The following ATP6V0D1 variants were observed in gnomAD, a reference collection of about 807,000 sequenced individuals.
The protein encoded by ATP6V0D1 is ATPase H+ transporting V0 subunit d1.
Under a neutral mutation model 39.0 loss-of-function variants are expected in ATP6V0D1, and 13 were observed. The ratio of observed to expected loss-of-function variants is 0.33; its 90% CI spans 0.22 to 0.53. The LOEUF (loss-of-function observed/expected upper bound fraction) is 0.53, where lower values mean the gene tolerates loss of function less well. Among genes scored for constraint, ATP6V0D1 ranks in the 20% least tolerant of loss-of-function variants. ATP6V0D1 has a pLI of 0.94. For missense variants in ATP6V0D1, 272 were observed against 470.9 expected, an observed-to-expected ratio of 0.58 and a Z score of 3.91; for synonymous variants, 191 against 191.2, an observed-to-expected ratio of 1.00 and a Z score of 0.01.
At chr16:67,465,603 C>CT (rs1272095917) in intron 1 of ATP6V0D1, among the ~76,000 whole-genome samples, 1 of 152,214 alleles carries the variant, frequency 6.6e-6, no homozygotes, top group Admixed American at 6.5e-5. Flanking sequence ...AGCTCCAACT[C>CT]TGAGCTGCTG....
intron 1 of ATP6V0D1, among the ~76,000 whole-genome samples, chr16:67,477,225 A>T (rs748565966): frequency 1.7e-4 from 26 of 152,116 alleles, no homozygotes; most frequent in Non-Finnish European, 3.2e-4. Flanking sequence ...AAATCTATTA[A>T]TCAAGTGATC....
rs773542999 is a variant in ATP6V0D1, at chr16:67,453,606, C to T, written c.240G>A (p.Val80=). 27 of 1,614,090 alleles carry T rather than the reference C, an allele frequency of 1.7e-5. No homozygotes were observed. The highest frequency in any genetic ancestry group is 2.2e-5 in the East Asian group (1 of 44,900). Residue 80 remains valine, a synonymous_variant, in exon 2 of 8, where the codon GTG becomes GTA. Transcript: ENST00000290949. This position sits in a 1 kb window ranked among gnomAD's most constrained non-coding sequence, Gnocchi z 4.1. ...CATGGTTCCTCATGTGGCGGAACTC[C>T]ACCACCATCTTCTCCTTGAGCCGGT... ...IDDRLKEKMV[V]EFRHMRNHAY...
intron 1 of ATP6V0D1, among the ~76,000 whole-genome samples, chr16:67,473,315 C>G (rs1244730333): frequency 6.6e-6 from 1 of 152,070 alleles, no homozygotes; most frequent in Admixed American, 6.6e-5. Context: ...TTTAAGCATA[C>G]TCACAGAATT....
intron 1 of ATP6V0D1, among the ~76,000 whole-genome samples, chr16:67,468,168 G>C (rs192946511): frequency 6.6e-5 from 10 of 152,248 alleles, no homozygotes; most frequent in Non-Finnish European, 1.3e-4. Flanking sequence ...ACACATGCCT[G>C]TACTCCCAGC....
intron 1 of ATP6V0D1, among the ~76,000 whole-genome samples, chr16:67,466,855 C>A (rs1311614359): frequency 1.3e-5 from 2 of 152,082 alleles, no homozygotes; most frequent in Non-Finnish European, 2.9e-5. Flanking sequence ...GCCTGGAAAG[C>A]CAAACCGGAG....
At position 67,439,325 on chromosome 16, in the gene ATP6V0D1, G is replaced by A; in HGVS notation, c.588C>T (p.Phe196=). The part of the protein sequence containing the change: ...YKAYLESFYK[F]CTLLGGTTAD... ...CCGTAGTCCCGCCCAGTAGGGTGCA[G>A]AACTTGTAGAAGGACTCCAGGTAGG... The change falls in exon 5 of 8, where the codon TTC becomes TTT. Residue 196 remains phenylalanine (F), a synonymous_variant. Transcript: ENST00000290949. The A allele has an allele frequency of 6.2e-7, 1 of 1,614,140 alleles. No homozygotes were observed. The highest frequency in any genetic ancestry group is 8.5e-7 in the Non-Finnish European group (1 of 1,180,038).
At chr16:67,454,235 G>A (rs926546156) in intron 1 of ATP6V0D1, among the ~76,000 whole-genome samples, 1 of 152,208 alleles carries the variant, frequency 6.6e-6, no homozygotes, top group African/African-American at 2.4e-5. Flanking sequence ...ACAAAAGGCT[G>A]GGCCACAGCA....
chr16:67,463,128 C>A (rs1199814642), intron 1 of ATP6V0D1, among the ~76,000 whole-genome samples: 1 of 152,194 alleles, frequency 6.6e-6, no homozygotes, highest in Non-Finnish European at 1.5e-5. Context: ...AGGAAATACT[C>A]ATTTTGCTTT....
intron 1 of ATP6V0D1, among the ~76,000 whole-genome samples, chr16:67,475,817 C>G (rs2041409858): frequency 6.6e-6 from 1 of 152,148 alleles, no homozygotes; most frequent in Non-Finnish European, 1.5e-5. Flanking sequence ...AATGAGAACC[C>G]CATATGACTC....
At chr16:67,471,337 C>T (rs988418681) in intron 1 of ATP6V0D1, among the ~76,000 whole-genome samples, 6 of 152,080 alleles carry the variant, frequency 3.9e-5, no homozygotes, top group South Asian at 2.1e-4. Context: ...TACAGGCATG[C>T]GCCACCACGC....
At chr16:67,467,820 A>C (rs2142328760) in intron 1 of ATP6V0D1, among the ~76,000 whole-genome samples, 1 of 152,338 alleles carries the variant, frequency 6.6e-6, no homozygotes, top group East Asian at 1.9e-4. Flanking sequence ...TTCTGGATGC[A>C]GATCCTCCTA....
chr16:67,479,679 C>A (rs200841786), intron 1 of ATP6V0D1, among the ~76,000 whole-genome samples: 1 of 152,144 alleles, frequency 6.6e-6, no homozygotes, highest in East Asian at 1.9e-4. Context: ...AAGTTTCTGA[C>A]GAGAAAATGT....
intron 3 of ATP6V0D1, among the ~76,000 whole-genome samples, chr16:67,443,664 T>C (rs976335392): frequency 2.0e-5 from 3 of 151,976 alleles, no homozygotes; most frequent in Admixed American, 6.6e-5. Flanking sequence ...ACTGTGGGGT[T>C]GGAAAGAGAG....
At chr16:67,451,284 G>C (rs1166348198) in intron 2 of ATP6V0D1, among the ~76,000 whole-genome samples, 1 of 152,196 alleles carries the variant, frequency 6.6e-6, no homozygotes, top group Non-Finnish European at 1.5e-5. Flanking sequence ...GAGTCGGGCG[G>C]CCAAGAGAGC....
chr16:67,480,782 C>T (rs2041465268), intron 1 of ATP6V0D1, among the ~76,000 whole-genome samples, 175 bp downstream of exon 1: 1 of 152,180 alleles, frequency 6.6e-6, no homozygotes, highest in Non-Finnish European at 1.5e-5. Flanking sequence ...TTTGGGCCCG[C>T]GCCGAGCCAC....
At chr16:67,472,285 C>A (rs2041379704) in intron 1 of ATP6V0D1, among the ~76,000 whole-genome samples, 1 of 152,196 alleles carries the variant, frequency 6.6e-6, no homozygotes, top group Admixed American at 6.5e-5. Flanking sequence ...TGTGTGGGGT[C>A]CAGGCTCTCA....
At chr16:67,471,020 C>G (rs2041368583) in intron 1 of ATP6V0D1, among the ~76,000 whole-genome samples, 2 of 152,170 alleles carry the variant, frequency 1.3e-5, no homozygotes, top group Non-Finnish European at 2.9e-5. Flanking sequence ...TGGCCTGCTC[C>G]CACAAATCCA....
At position 67,442,958 on chromosome 16, in the gene ATP6V0D1, A is replaced by T. The variant is rs958633308; in HGVS notation, c.561+141T>A. 24 of 854,634 alleles carry T rather than the reference A, an allele frequency of 2.8e-5. No homozygotes were observed. The Admixed American group carries it at 4.9e-4, about 18-fold the overall frequency. 52.9% of individuals were successfully genotyped at this position (854,634 alleles called of 1,614,324 possible). A position where few individuals can be genotyped will look rare whatever the true frequency, so the allele number is the denominator to read the frequency against. ...GCCTTGTGCCCAGCATGGGAGCCAG[A>T]GAATAAGCAGTAAGTCCCTGGGATA... On this transcript the variant is annotated intron_variant, in intron 4 of 7. Coordinates refer to ENST00000290949, the MANE Select transcript of ATP6V0D1 (RefSeq NM_004691.5).
intron 3 of ATP6V0D1, among the ~76,000 whole-genome samples, chr16:67,443,719 G>A (rs2041081749): frequency 6.6e-6 from 1 of 152,208 alleles, no homozygotes; most frequent in African/African-American, 2.4e-5. Flanking sequence ...AGGGCCTGCA[G>A]ACTCACTGGT....
Sources: gnomAD v4.1 joint callset for allele counts (sites outside exome capture counted in the v4.1 genomes callset) on GRCh38, gnomAD v4.1.1 for gene constraint, Gnocchi (gnomAD v3.1) non-coding constraint, MANE v1.5 for transcripts, NCBI Gene and HGNC (gene_info 2026-07-23, HGNC 2026-07-21) for gene names.